The following SEMA6A variants were observed in gnomAD, a reference collection of about 807,000 sequenced individuals.
The protein encoded by SEMA6A is semaphorin 6A.
SEMA6A carries 25 observed loss-of-function variants against 96.8 expected under a neutral mutation model. That is an observed-to-expected ratio of 0.26 (90% CI 0.19 to 0.36). The LOEUF (loss-of-function observed/expected upper bound fraction) is 0.36. Among genes scored for constraint, SEMA6A ranks in the 10% least tolerant of loss-of-function variants. SEMA6A has a pLI of 1.00. For synonymous variants in SEMA6A, 612 were observed against 518.0 expected (o/e 1.18, Z -2.46); for missense variants, 1,363 against 1,323.1 (o/e 1.03, Z -0.47).
intron 1 of SEMA6A, among the ~76,000 whole-genome samples, chr5:116,573,867 C>T (rs1379835631): frequency 1.3e-5 from 2 of 152,078 alleles, no homozygotes; most frequent in Non-Finnish European, 2.9e-5. Context: ...AGCCTTGGGT[C>T]TCGCACACAC....
chr5:116,450,100 A>G (rs1754527608), intron 18 of SEMA6A, among the ~76,000 whole-genome samples: 1 of 152,214 alleles, frequency 6.6e-6, no homozygotes, highest in Admixed American at 6.5e-5. Context: ...AATTTTGATT[A>G]TGTATGGGGT....
chr5:116,447,030 T>C lies in SEMA6A; in HGVS notation c.2676A>G (p.Gly892=). ...PQREASLGPP[G]ASLSQTGLSK... is the part of the protein sequence containing the mutation. ...TTAGACCGGTCTGAGACAGGGAGGC[T>C]CCCGGGGGACCCAGGGAGGCCTCCC... The change falls in exon 19 of 19, where the codon GGA becomes GGG. Residue 892 remains glycine, a synonymous_variant. Coordinates refer to ENST00000343348, the MANE Select transcript of SEMA6A (RefSeq NM_020796.5). 4.3e-6 allele frequency: 7 copies of C among 1,613,764 alleles called. No individual in the cohort carries two copies. Among genetic ancestry groups the C allele is most frequent in the Non-Finnish European group, 5.9e-6 (7 of 1,179,824 alleles).
rs1212392419 is a variant in SEMA6A at position 116,522,487 on chromosome 5, G to C, written c.-38-17505C>G. On this transcript the variant is annotated intron_variant, in intron 1 of 18. Transcript: ENST00000343348. ...TGTGGTGTCAGTAGTGATAATTCTA[G>C]TCGATCTGTGATGCAGATGGATGTA... is the stretch of plus-strand genomic sequence containing the variant. Among the ~76,000 whole-genome samples the C allele has an allele frequency of 5.3e-5, 8 of 152,298 alleles. No individual in the cohort carries two copies. In the East Asian group the frequency reaches 1.5e-3, roughly 29 times the overall value.
In SEMA6A at chr5:116,482,504, T is replaced by A. The variant is rs1368872161; in HGVS notation, c.1034A>T (p.Glu345Val). Residue 345 changes from glutamate to valine, a missense_variant, in exon 11 of 19, where the codon GAA becomes GTA. Coordinates refer to ENST00000343348, the MANE Select transcript of SEMA6A (RefSeq NM_020796.5). ...IASVFTGRFK[E>V]QKSPDSTWTP... is the part of the protein sequence containing the mutation. ...CCAGGTGGAATCAGGAGACTTCTGTTCCTTGAATCTCCCAGTAAAAACACT... is the reference window on the plus strand; with the variant it reads ...CCAGGTGGAATCAGGAGACTTCTGTACCTTGAATCTCCCAGTAAAAACACT... The A allele has an allele frequency of 6.2e-7, 1 of 1,613,492 alleles. No homozygotes were observed. The highest frequency in any genetic ancestry group is 1.3e-5 in the African/African-American group (1 of 74,900).
intron 1 of SEMA6A, among the ~76,000 whole-genome samples, chr5:116,522,433 A>T (rs1759001199): frequency 6.6e-6 from 1 of 152,178 alleles, no homozygotes; most frequent in Non-Finnish European, 1.5e-5. Context: ...TCTGGAATAC[A>T]GGATGCGGGT....
In SEMA6A at chr5:116,502,553, A is replaced by C. The variant is rs181362123; in HGVS notation, c.101-226T>G. The C allele has an allele frequency of 7.4e-4, 354 of 477,082 alleles. 1 individual carries two copies. The highest frequency in any genetic ancestry group is 1.8e-4 in the Non-Finnish European group (49 of 269,280). 29.6% of individuals were successfully genotyped at this position (477,082 alleles called of 1,614,324 possible). On this transcript the variant is annotated intron_variant, in intron 2 of 18. Coordinates refer to ENST00000343348, the MANE Select transcript of SEMA6A (RefSeq NM_020796.5). ...CATTTCTAGATAATTATAAGCCTGG[A>C]TTTATATTTCTAAGTGTCACAATTT...
In SEMA6A at chr5:116,445,979, A is replaced by G. The variant is rs913385997; in HGVS notation, c.*634T>C. 6.6e-6 allele frequency: 1 copy of G among 152,668 alleles called. No homozygotes were observed. The highest frequency in any genetic ancestry group is 1.5e-5 in the Non-Finnish European group (1 of 68,040). The allele number at this position is 152,668 out of a possible 1,614,324, so 9.5% of individuals were successfully genotyped here. ...GAGAGGAGGAGCAGAAATCTATGAC[A>G]TAGTTGCCCAACATGGCATTTATCT... On this transcript the variant is annotated 3_prime_UTR_variant, in exon 19 of 19. Transcript: ENST00000343348.
intron 1 of SEMA6A, among the ~76,000 whole-genome samples, chr5:116,533,342 C>G (rs1222260421): frequency 6.7e-6 from 1 of 148,438 alleles, no homozygotes; most frequent in Non-Finnish European, 1.5e-5. Context: ...CACTGCTGCT[C>G]TGTGCACAGA....
chr5:116,570,061 ACCCT>A (rs1417096945), intron 1 of SEMA6A, among the ~76,000 whole-genome samples: 1 of 152,142 alleles, frequency 6.6e-6, no homozygotes, highest in African/African-American at 2.4e-5. Flanking sequence ...AAAGCAAGAT[ACCCT>A]TGTGTATAGA....
Position 116,478,526 on chromosome 5 carries a change from C to T in SEMA6A, c.1427+16G>A. 6.3e-7 allele frequency: 1 copy of T among 1,591,608 alleles called. No homozygotes were observed. The highest frequency in any genetic ancestry group is 8.6e-7 in the Non-Finnish European group (1 of 1,168,792). Reference sequence around the variant, plus strand: ...TAACAAATAATTACTAAGAAAGAACCAAATATTCCACTTACTTTTCAGAGT... The same window carrying T: ...TAACAAATAATTACTAAGAAAGAACTAAATATTCCACTTACTTTTCAGAGT... On this transcript the variant is annotated intron_variant, in intron 13 of 18. Transcript: ENST00000343348.
At chr5:116,491,041 A>G (rs1757301594) in intron 7 of SEMA6A, among the ~76,000 whole-genome samples, 1 of 152,166 alleles carries the variant, frequency 6.6e-6, no homozygotes, top group Non-Finnish European at 1.5e-5. Context: ...AGCCTAAGCA[A>G]TTAGCACCCT....
intron 1 of SEMA6A, among the ~76,000 whole-genome samples, chr5:116,530,442 TCA>T (rs1200207474): frequency 3.9e-5 from 6 of 152,210 alleles, no homozygotes; most frequent in Non-Finnish European, 7.4e-5. Context: ...CATGTTCCCA[TCA>T]GAGGTCTGTG....
chr5:116,522,075 A>G (rs1758978596), intron 1 of SEMA6A, among the ~76,000 whole-genome samples: 1 of 152,212 alleles, frequency 6.6e-6, no homozygotes, highest in Non-Finnish European at 1.5e-5. Context: ...AACTTGAAAT[A>G]CAAGCCAAGA....
intron 3 of SEMA6A, among the ~76,000 whole-genome samples, chr5:116,500,656 A>G (rs1757832405): frequency 6.6e-6 from 1 of 151,944 alleles, no homozygotes; most frequent in Admixed American, 6.6e-5. Context: ...TAAGTGCTTT[A>G]GAAGAATCAA....
rs1467744960 is a variant in SEMA6A, at chr5:116,446,404, T to C, written c.*209A>G. 4.3e-6 allele frequency: 2 copies of C among 469,094 alleles called. No individual in the cohort carries two copies. The highest frequency in any genetic ancestry group is 7.6e-5 in the Admixed American group (2 of 26,468). 29.1% of individuals were successfully genotyped at this position (469,094 alleles called of 1,614,324 possible). ...GGAAAGTGAAGGAAGAGAATGAAGG[T>C]GAGTCCCCGCCGTTGCAAACCTTCA... On this transcript the variant is annotated 3_prime_UTR_variant, in exon 19 of 19. Coordinates refer to ENST00000343348, the MANE Select transcript of SEMA6A (RefSeq NM_020796.5).
rs1253410488 is a variant in SEMA6A, at chr5:116,529,349, GAAC to G, written c.-38-24370_-38-24368del. 5.3e-5 allele frequency among the ~76,000 whole-genome samples: 8 copies of G among 152,194 alleles called. No individual in the cohort carries two copies. The South Asian group carries it at 6.2e-4, about 12-fold the overall frequency. ...TATAGCACTGTAGGGTGACTATAAT[GAAC>G]AACAACAACCTATTGTATATTTTCA... On this transcript the variant is annotated intron_variant, in intron 1 of 18. Coordinates refer to ENST00000343348, the MANE Select transcript of SEMA6A (RefSeq NM_020796.5).
chr5:116,480,115 C>T lies in SEMA6A; in HGVS notation c.1250+7G>A, dbSNP rs754927643. On this transcript the variant is annotated splice_region_variant and intron_variant, in intron 12 of 18. Transcript: ENST00000343348. Reference sequence around the variant, plus strand: ...ATCCATCAGGACACGGTTTGTTTGACACCCACCTGACCATTGTTCTCAGGA... The same window carrying T: ...ATCCATCAGGACACGGTTTGTTTGATACCCACCTGACCATTGTTCTCAGGA... 6.2e-7 allele frequency: 1 copy of T among 1,613,500 alleles called. No homozygotes were observed. The highest frequency in any genetic ancestry group is 1.1e-5 in the South Asian group (1 of 91,026).
At chr5:116,500,417 TC>T (rs1440948729) in intron 3 of SEMA6A, among the ~76,000 whole-genome samples, 1 of 152,216 alleles carries the variant, frequency 6.6e-6, no homozygotes, top group African/African-American at 2.4e-5. Flanking sequence ...TAGGGTTGTT[TC>T]CAGGATTGGA....
chr5:116,518,286 A>C (rs1324353717), intron 1 of SEMA6A, among the ~76,000 whole-genome samples: 1 of 152,182 alleles, frequency 6.6e-6, no homozygotes, highest in African/African-American at 2.4e-5. Flanking sequence ...ACAACAACGT[A>C]ATCAATTTTA....
Sources: allele counts gnomAD v4.1 joint callset (sites outside exome capture counted in the v4.1 genomes callset), GRCh38; gene constraint gnomAD v4.1.1; transcripts MANE v1.5; gene names NCBI Gene and HGNC (gene_info 2026-07-23, HGNC 2026-07-21).